The following CMYA5 variants were observed in gnomAD, a reference collection of about 807,000 sequenced individuals.
The protein encoded by CMYA5 is cardiomyopathy-associated protein 5.
A neutral mutation model predicts 318.9 loss-of-function variants in CMYA5; 246 were observed. The observed-to-expected ratio is 0.77, with a 90% CI of 0.70 to 0.86. CMYA5 has a LOEUF of 0.86. Among genes scored for constraint, CMYA5 ranks in the 40% least tolerant of loss-of-function variants. The pLI is 0.00. For synonymous variants in CMYA5, 1,641 were observed against 1,729.5 expected (o/e 0.95, Z 1.27); for missense variants, 4,589 against 4,678.2 (o/e 0.98, Z 0.56).
At chr5:79,754,408 T>C (rs1302968264) in intron 6 of CMYA5, among the ~76,000 whole-genome samples, 1 of 152,182 alleles carries the variant, frequency 6.6e-6, no homozygotes, top group Non-Finnish European at 1.5e-5. Context: ...AATCTCACCA[T>C]AACCCAAGGA....
At chr5:79,696,246 G>A (rs1474101561) in intron 1 of CMYA5, among the ~76,000 whole-genome samples, 1 of 152,232 alleles carries the variant, frequency 6.6e-6, no homozygotes, top group Non-Finnish European at 1.5e-5. Flanking sequence ...GCAGTCATCA[G>A]TGCCGCCTTC....
intron 9 of CMYA5, 55 bp downstream of exon 9, chr5:79,763,264 G>T: frequency 4.1e-6 from 6 of 1,445,866 alleles, no homozygotes; most frequent in Non-Finnish European, 5.6e-6. Context: ...CCAAGCTCTG[G>T]GTCCTAAACT....
chr5:79,785,322 A>G (rs1193456569), intron 9 of CMYA5, among the ~76,000 whole-genome samples: 1 of 151,994 alleles, frequency 6.6e-6, no homozygotes, highest in Non-Finnish European at 1.5e-5. Context: ...AGCCTCCTCC[A>G]TCAGCCTGCT....
rs145899425 is a variant in CMYA5, at chr5:79,714,529, C to G, written c.150-14386C>G. Among the ~76,000 whole-genome samples the G allele has an allele frequency of 2.5e-3, 375 of 147,382 alleles. 3 individuals are homozygous for G. Among genetic ancestry groups the G allele is most frequent in the Non-Finnish European group, 3.7e-3 (248 of 67,616 alleles). On this transcript the variant is annotated intron_variant, in intron 1 of 12. Transcript: ENST00000446378. ...CATGGCTCACTGCAGCCTTGAACTC[C>G]TGGGCTCAAGCCATCCTTCTGCCTC...
rs376032036 is a variant in CMYA5 at position 79,737,138 on chromosome 5, C to T, written c.8373C>T (p.Ser2791=). The T allele has an allele frequency of 4.9e-5, 79 of 1,612,872 alleles. No homozygotes were observed. The highest frequency in any genetic ancestry group is 6.7e-5 in the African/African-American group (5 of 74,794). Residue 2791 remains serine (S), a synonymous_variant, in exon 2 of 13, where the codon TCC becomes TCT. Coordinates refer to ENST00000446378, the MANE Select transcript of CMYA5 (RefSeq NM_153610.5). ...AAGAAGGATTTCCATCTAAAGAATC[C>T]GAAAGGACTTTAGCTCGTCCTTTTG... ...SMKEGFPSKE[S]ERTLARPFDE...
At chr5:79,747,157 G>T (rs1224254235) in intron 5 of CMYA5, 44 bp downstream of exon 5, 2 of 1,504,986 alleles carry the variant, frequency 1.3e-6, no homozygotes, top group Non-Finnish European at 1.8e-6. Context: ...AGCATGACTG[G>T]ATGCTTGCTT....
chr5:79,752,287 G>A (rs932546704), intron 5 of CMYA5, among the ~76,000 whole-genome samples: 15 of 152,148 alleles, frequency 9.9e-5, no homozygotes, highest in African/African-American at 3.1e-4. Context: ...TGTGCTCTTA[G>A]CATTTTTATC....
intron 9 of CMYA5, among the ~76,000 whole-genome samples, chr5:79,769,725 A>G (rs1383606502): frequency 6.6e-6 from 1 of 152,104 alleles, no homozygotes; most frequent in Non-Finnish European, 1.5e-5. Flanking sequence ...CTCTCGTATG[A>G]GGTGTCTGTA....
Position 79,730,358 on chromosome 5 carries a change from C to A in CMYA5, c.1593C>A (p.Ile531=), listed in dbSNP as rs988006197. 3 of 1,613,674 alleles carry A rather than the reference C, an allele frequency of 1.9e-6. No homozygotes were observed. Among genetic ancestry groups the A allele is most frequent in the Non-Finnish European group, 1.7e-6 (2 of 1,179,846 alleles). Residue 531 remains isoleucine (I), a synonymous_variant, in exon 2 of 13, where the codon ATC becomes ATA. Transcript: ENST00000446378. ...ATTCTAATTTAGTAGAAGAAGAGAT[C>A]GTAGAACTTGATTACCCAGAAAGCC... The part of the protein sequence containing the change: ...PEDSNLVEEE[I]VELDYPESPL...
In CMYA5 at chr5:79,745,371, T is replaced by G. The variant is rs1441588557; in HGVS notation, c.10884T>G (p.Phe3628Leu). The G allele has an allele frequency of 6.8e-6, 11 of 1,613,842 alleles. No homozygotes were observed. The highest frequency in any genetic ancestry group is 9.3e-6 in the Non-Finnish European group (11 of 1,179,882). Residue 3628 changes from phenylalanine to leucine, a missense_variant, in exon 4 of 13, where the codon TTT (phenylalanine) becomes TTG (leucine). By Grantham distance (22) the Phe-to-Leu change is conservative. This residue lies in a region of CMYA5 where 2,431 missense variants were observed against 2,495.1 expected (regional missense o/e 0.97). Coordinates refer to ENST00000446378, the MANE Select transcript of CMYA5 (RefSeq NM_153610.5). The part of the protein sequence containing the change: ...MEFLHEQMVH[F>L]LQSMDTAKDT... The stretch of plus-strand genomic sequence containing the variant: ...TCCTGCATGAGCAGATGGTCCACTT[T>G]CTGCAGAGCATGGACACTGCCAAAG...
chr5:79,736,281 A>G lies in CMYA5; in HGVS notation c.7516A>G (p.Lys2506Glu), dbSNP rs202048173. The G allele has an allele frequency of 8.7e-6, 14 of 1,613,146 alleles. No homozygotes were observed. In the African/African-American group the frequency reaches 1.3e-4, roughly 15 times the overall value. The change falls in exon 2 of 13, where the codon AAA (lysine) becomes GAA (glutamate). Residue 2506 changes from lysine to glutamate, a missense_variant. Lys to Glu is a moderately conservative substitution (Grantham distance 56, BLOSUM62 1). Around this residue, in one of 3 missense-constraint regions of CMYA5, gnomAD observed 2,431 missense variants for 2,495.1 expected, o/e 0.97. Transcript: ENST00000446378. Reference sequence around the variant, plus strand: ...ACTTGGATCTAGATCTACTGAACTGAAAGAATCAAAAGCCGATGCTATGCC... The same window carrying G: ...ACTTGGATCTAGATCTACTGAACTGGAAGAATCAAAAGCCGATGCTATGCC... ...ITLGSRSTEL[K>E]ESKADAMPQH...
rs748377829 is a variant in CMYA5, at chr5:79,734,717, A to G, written c.5952A>G (p.Glu1984=). Residue 1984 remains glutamate (E), a synonymous_variant, in exon 2 of 13, where the codon GAA becomes GAG. Coordinates refer to ENST00000446378, the MANE Select transcript of CMYA5 (RefSeq NM_153610.5). ...CAAGTAAAAGTTACTCTTCTGAAGA[A>G]GTAAAGCTGGCTGAAGAACCAAAGT... ...TLSSKSYSSE[E]VKLAEEPKSL... is the part of the protein sequence containing the mutation. The G allele has an allele frequency of 6.2e-7, 1 of 1,613,892 alleles. No homozygotes were observed. The highest frequency in any genetic ancestry group is 1.1e-5 in the South Asian group (1 of 91,088).
At chr5:79,750,966 A>G (rs896663113) in intron 5 of CMYA5, among the ~76,000 whole-genome samples, 4 of 152,112 alleles carry the variant, frequency 2.6e-5, no homozygotes, top group African/African-American at 4.8e-5. Context: ...GGCTTAGTGC[A>G]TGTATGGGGC....
At chr5:79,742,084 T>C (rs1335394069) in intron 2 of CMYA5, among the ~76,000 whole-genome samples, 5 of 120,880 alleles carry the variant, frequency 4.1e-5, no homozygotes, top group South Asian at 2.7e-4. Context: ...CTTCTTCTTC[T>C]TCTTCTTCTT....
intron 1 of CMYA5, among the ~76,000 whole-genome samples, chr5:79,705,617 G>A (rs1196157685): frequency 6.6e-6 from 1 of 152,120 alleles, no homozygotes; most frequent in Admixed American, 6.5e-5. Context: ...ATTGAACAGA[G>A]CTACAGACCT....
intron 9 of CMYA5, among the ~76,000 whole-genome samples, chr5:79,772,696 C>T (rs1747773298): frequency 6.6e-6 from 1 of 152,176 alleles, no homozygotes; most frequent in Admixed American, 6.5e-5. Context: ...ATCGCAGAGT[C>T]CCAGGACTGC....
At position 79,732,107 on chromosome 5, in the gene CMYA5, A is replaced by G; in HGVS notation, c.3342A>G (p.Lys1114=). 1 of 1,613,980 alleles carries G rather than the reference A, an allele frequency of 6.2e-7. No homozygotes were observed. The highest frequency in any genetic ancestry group is 2.2e-5 in the East Asian group (1 of 44,876). Reference sequence around the variant, plus strand: ...ATCTCATTTTGGCACAGAAGCAGAAAACTCAAGCATATTTAGAGCCTGAGT... The same window carrying G: ...ATCTCATTTTGGCACAGAAGCAGAAGACTCAAGCATATTTAGAGCCTGAGT... ...SEYLILAQKQ[K]TQAYLEPESE... The change falls in exon 2 of 13, where the codon AAA becomes AAG. Residue 1114 remains lysine, a synonymous_variant. Coordinates refer to ENST00000446378, the MANE Select transcript of CMYA5 (RefSeq NM_153610.5).
At position 79,690,041 on chromosome 5, in the gene CMYA5, A is replaced by T; in HGVS notation, c.134A>T (p.Glu45Val). 6.8e-7 allele frequency: 1 copy of T among 1,462,028 alleles called. No individual in the cohort carries two copies. Among genetic ancestry groups the T allele is most frequent in the South Asian group, 1.4e-5 (1 of 72,936 alleles). The allele number at this position is 1,462,028 out of a possible 1,614,324, so 90.6% of individuals were successfully genotyped here. A position where few individuals can be genotyped will look rare whatever the true frequency, so the allele number is the denominator to read the frequency against. The change falls in exon 1 of 13, where the codon GAG becomes GTG. Residue 45 changes from glutamate to valine, a missense_variant. Around this residue, in one of 3 missense-constraint regions of CMYA5, gnomAD observed 2,132 missense variants for 2,131.3 expected, o/e 1.00. Transcript: ENST00000446378. ...EEDETAAESE[E>V]EPDSRLSDQD... ...GACGAGACGGCGGCGGAGTCGGAGG[A>T]GGAGCCGGACTCCAGGTAGCGCGAG...
At position 79,738,334 on chromosome 5, in the gene CMYA5, C is replaced by T; in HGVS notation, c.9569C>T (p.Ala3190Val). 6.2e-7 allele frequency: 1 copy of T among 1,613,606 alleles called. No homozygotes were observed. The highest frequency in any genetic ancestry group is 8.5e-7 in the Non-Finnish European group (1 of 1,179,812). Residue 3190 changes from alanine (A) to valine (V), a missense_variant, in exon 2 of 13, where the codon GCA becomes GTA. Transcript: ENST00000446378. The part of the protein sequence containing the change: ...PEFLEEPPAL[A>V]FLYKDLYEEA... Reference sequence around the variant, plus strand: ...TTTCTGGAGGAGCCACCTGCACTTGCATTTTTATATAAGGATCTGTATGAA... The same window carrying T: ...TTTCTGGAGGAGCCACCTGCACTTGTATTTTTATATAAGGATCTGTATGAA...
Sources: allele counts gnomAD v4.1 joint callset (sites outside exome capture counted in the v4.1 genomes callset), GRCh38; gene constraint gnomAD v4.1.1; regional missense constraint gnomAD v4.1.1; transcripts MANE v1.5; gene names NCBI Gene and HGNC (gene_info 2026-07-23, HGNC 2026-07-21).